HIVEP3: variants seen among roughly 807,000 people sequenced by gnomAD.
The protein encoded by HIVEP3 is HIVEP zinc finger 3, also known as transcription factor HIVEP3.
A neutral mutation model predicts 152.8 loss-of-function variants in HIVEP3; 49 were observed. That is an observed-to-expected ratio of 0.32 (90% CI 0.26 to 0.41). The LOEUF is 0.41. HIVEP3 is among the 10% of genes least tolerant of loss of function. HIVEP3 has a pLI of 1.00. For synonymous variants in HIVEP3, 1,269 were observed against 1,289.0 expected (o/e 0.98, Z 0.33); for missense variants, 2,790 against 3,103.3 (o/e 0.90, Z 2.40).
At chr1:41,630,797 G>A (rs1212820012) in intron 2 of HIVEP3, among the ~76,000 whole-genome samples, 1 of 152,156 alleles carries the variant, frequency 6.6e-6, no homozygotes, top group East Asian at 1.9e-4. Context: ...GCTAACAAAT[G>A]GGTGTTATTC....
chr1:41,826,193 A>C (rs1642798340), intron 1 of HIVEP3, among the ~76,000 whole-genome samples: 2 of 152,164 alleles, frequency 1.3e-5, no homozygotes, highest in African/African-American at 4.8e-5. Flanking sequence ...ATTGCTCATT[A>C]ACCGATATTT....
At chr1:41,971,776 A>AC (rs1387226986) in intron 1 of HIVEP3, among the ~76,000 whole-genome samples, 2 of 152,078 alleles carry the variant, frequency 1.3e-5, no homozygotes, top group African/African-American at 4.8e-5. Context: ...TTGCAACTTA[A>AC]CCCCCAATAT....
chr1:41,651,294 C>T (rs1645545030), intron 2 of HIVEP3, among the ~76,000 whole-genome samples: 1 of 151,870 alleles, frequency 6.6e-6, no homozygotes, highest in Admixed American at 6.6e-5. Context: ...GCTTGTAATC[C>T]CAGCTACTTG....
At chr1:41,575,503 T>C (rs771189405) in intron 5 of HIVEP3, 41 bp downstream of exon 5, 2 of 1,604,714 alleles carry the variant, frequency 1.2e-6, no homozygotes, top group Non-Finnish European at 1.7e-6. Context: ...CCAGCTCTTA[T>C]TCCACGGAAG....
At chr1:41,679,824 C>T (rs1489403100) in intron 2 of HIVEP3, among the ~76,000 whole-genome samples, 1 of 152,248 alleles carries the variant, frequency 6.6e-6, no homozygotes, top group Non-Finnish European at 1.5e-5. Flanking sequence ...CTTGTGGATG[C>T]TCTGGGCTTG....
At chr1:41,641,445 A>G (rs1410515156) in intron 2 of HIVEP3, among the ~76,000 whole-genome samples, 3 of 152,106 alleles carry the variant, frequency 2.0e-5, no homozygotes, top group Non-Finnish European at 4.4e-5. Context: ...GTGCTACCCC[A>G]TCTTCCACCC....
intron 1 of HIVEP3, among the ~76,000 whole-genome samples, chr1:41,834,625 A>G (rs1643068922): frequency 6.6e-6 from 1 of 152,136 alleles, no homozygotes; most frequent in African/African-American, 2.4e-5. Context: ...TCATCATTTC[A>G]TCCAGTATTT....
chr1:41,601,647 G>A (rs978986864), intron 3 of HIVEP3, among the ~76,000 whole-genome samples: 1 of 152,020 alleles, frequency 6.6e-6, no homozygotes, highest in African/African-American at 2.4e-5. Context: ...CTTTTTAATG[G>A]CATCTTTAGG....
At chr1:41,828,222 C>T (rs1462096579) in intron 1 of HIVEP3, among the ~76,000 whole-genome samples, 1 of 152,146 alleles carries the variant, frequency 6.6e-6, no homozygotes, top group Non-Finnish European at 1.5e-5. Flanking sequence ...CCCTGGGTGG[C>T]CACCCAGTGT....
chr1:41,591,619 C>T (rs1434637516), intron 3 of HIVEP3, among the ~76,000 whole-genome samples: 1 of 151,942 alleles, frequency 6.6e-6, no homozygotes, highest in African/African-American at 2.4e-5. Flanking sequence ...CCATGGAAGC[C>T]ACACTAGATG....
chr1:41,823,979 G>A (rs587790), intron 1 of HIVEP3, among the ~76,000 whole-genome samples: 121,729 of 152,172 alleles, frequency 0.8, 48,802 homozygotes, highest in East Asian at 1. Flanking sequence ...AGGCAGCAGA[G>A]GCAAATAAGC....
At chr1:41,788,681 A>G (rs992316800) in intron 1 of HIVEP3, among the ~76,000 whole-genome samples, 4 of 152,250 alleles carry the variant, frequency 2.6e-5, no homozygotes, top group Non-Finnish European at 4.4e-5. Context: ...TCCATATTGT[A>G]TCTCATCCAG....
At chr1:41,798,107 G>C (rs921373434) in intron 1 of HIVEP3, among the ~76,000 whole-genome samples, 7 of 152,162 alleles carry the variant, frequency 4.6e-5, no homozygotes, top group Admixed American at 2.0e-4. Context: ...CTTGGACACA[G>C]GAAGGGGAAC....
intron 2 of HIVEP3, among the ~76,000 whole-genome samples, chr1:41,656,433 A>G (rs1645630130): frequency 6.6e-6 from 1 of 152,202 alleles, no homozygotes; most frequent in African/African-American, 2.4e-5. Context: ...TCCCAGCTCC[A>G]TACCCTGGCC....
At chr1:41,640,271 C>G (rs12134174) in intron 2 of HIVEP3, among the ~76,000 whole-genome samples, 130 of 94,642 alleles carry the variant, frequency 1.4e-3, no homozygotes, top group Non-Finnish European at 1.7e-3. Flanking sequence ...GCTGCTGGGG[C>G]GGGGGTTGGG....
At chr1:41,736,319 C>G (rs1379968111) in intron 1 of HIVEP3, among the ~76,000 whole-genome samples, 2 of 152,182 alleles carry the variant, frequency 1.3e-5, no homozygotes, top group Non-Finnish European at 2.9e-5. Context: ...CAGGTGCATT[C>G]TCTGTCCATA....
chr1:41,788,364 G>A (rs965335896), intron 1 of HIVEP3, among the ~76,000 whole-genome samples: 1 of 152,234 alleles, frequency 6.6e-6, no homozygotes, highest in Non-Finnish European at 1.5e-5. Context: ...AGTCTGGGCT[G>A]CATCCAGATG....
At chr1:41,846,843 A>G (rs540484807) in intron 1 of HIVEP3, among the ~76,000 whole-genome samples, 58 of 152,334 alleles carry the variant, frequency 3.8e-4, no homozygotes, top group Non-Finnish European at 6.9e-4. Flanking sequence ...TGAAAGAATG[A>G]ACAAATGACT....
In HIVEP3 at chr1:41,649,360, C is replaced by T. The variant is rs148149128; in HGVS notation, c.-720-20413G>A. Among the ~76,000 whole-genome samples, 704 of 152,332 alleles carry T rather than the reference C, an allele frequency of 4.6e-3. 5 individuals are homozygous for T. Among genetic ancestry groups the T allele is most frequent in the African/African-American group, 0.016 (646 of 41,568 alleles). On this transcript the variant is annotated intron_variant, in intron 2 of 8. Transcript: ENST00000372583. ...CTGATTCTACAGCTGCGGGGCAGGGCCCAGGAATCTGTATTTCCCCAATCC... is the reference window on the plus strand; with the variant it reads ...CTGATTCTACAGCTGCGGGGCAGGGTCCAGGAATCTGTATTTCCCCAATCC...
Sources: allele counts gnomAD v4.1 joint callset (sites outside exome capture counted in the v4.1 genomes callset), GRCh38; gene constraint gnomAD v4.1.1; transcripts MANE v1.5; gene names NCBI Gene and HGNC (gene_info 2026-07-23, HGNC 2026-07-21).